EYS: variants seen among roughly 807,000 people sequenced by gnomAD.
EYS encodes protein eyes shut homolog.
In EYS, 250 loss-of-function variants were observed where a neutral mutation model predicts 282.1. The observed-to-expected ratio is 0.89, with a 90% CI of 0.80 to 0.98. EYS has a LOEUF of 0.98. Among genes scored for constraint, EYS ranks in the 50% least tolerant of loss-of-function variants. EYS has a pLI of 0.00. For missense variants in EYS, 4,016 were observed against 3,709.0 expected (o/e 1.08, Z -2.15); for synonymous variants, 1,355 against 1,282.9 (o/e 1.06, Z -1.20).
intron 29 of EYS, among the ~76,000 whole-genome samples, chr6:64,345,239 C>T (rs773485396): frequency 1.3e-5 from 2 of 152,094 alleles, no homozygotes; most frequent in South Asian, 4.1e-4. Flanking sequence ...GCCCACATTG[C>T]CAAGTCAATG....
chr6:64,457,651 T>C (rs539005713), intron 26 of EYS, among the ~76,000 whole-genome samples: 53 of 152,176 alleles, frequency 3.5e-4, no homozygotes, highest in African/African-American at 1.2e-3. Flanking sequence ...TAAAATCCAT[T>C]TTATCCGAAA....
intron 30 of EYS, among the ~76,000 whole-genome samples, chr6:64,286,437 A>T (rs1768503425): frequency 6.6e-6 from 1 of 152,208 alleles, no homozygotes; most frequent in Admixed American, 6.5e-5. Context: ...GAGTTAGTTA[A>T]ATATAAATAT....
rs114995544 is a variant in EYS, at chr6:63,992,123, C to T, written c.6834+6952G>A. Among the ~76,000 whole-genome samples the T allele has an allele frequency of 4.6e-3, 703 of 151,828 alleles. 7 individuals carry two copies. The highest frequency in any genetic ancestry group is 0.016 in the African/African-American group (673 of 41,488). ...TTTTTCCAGTTGAAATAGAAGAATA[C>T]TAGACAACAACACAAAAACTTCTGA... On this transcript the variant is annotated intron_variant, in intron 34 of 42. Coordinates refer to ENST00000503581, the MANE Select transcript of EYS (RefSeq NM_001142800.2).
intron 35 of EYS, among the ~76,000 whole-genome samples, chr6:63,931,530 C>T (rs1375749086): frequency 1.3e-5 from 2 of 152,198 alleles, no homozygotes; most frequent in Non-Finnish European, 2.9e-5. Context: ...CTGCCTTCCT[C>T]TTGTTTTGGC....
intron 29 of EYS, among the ~76,000 whole-genome samples, chr6:64,317,363 G>A: frequency 6.6e-6 from 1 of 150,470 alleles, no homozygotes; most frequent in Admixed American, 6.6e-5. Flanking sequence ...TCAAAAAGTA[G>A]GCACAGGATA....
chr6:64,678,562 A>G (rs1003526892), intron 22 of EYS, among the ~76,000 whole-genome samples: 1 of 152,204 alleles, frequency 6.6e-6, no homozygotes, highest in Admixed American at 6.5e-5. Flanking sequence ...TGGGCAACAG[A>G]GCGAGACTCC....
intron 22 of EYS, among the ~76,000 whole-genome samples, chr6:64,790,788 T>C (rs972338970): frequency 3.9e-5 from 6 of 151,908 alleles, no homozygotes; most frequent in African/African-American, 1.4e-4. Context: ...TTCTGGTATG[T>C]ATTTGAAAGG....
chr6:64,207,685 G>A (rs573897780), intron 31 of EYS, among the ~76,000 whole-genome samples: 3 of 142,486 alleles, frequency 2.1e-5, no homozygotes, highest in African/African-American at 7.7e-5. Context: ...TTTTTTTGAG[G>A]GAGTCTGTGT....
chr6:64,061,371 A>G (rs1423127268), intron 33 of EYS, among the ~76,000 whole-genome samples: 2 of 152,240 alleles, frequency 1.3e-5, no homozygotes, highest in East Asian at 3.8e-4. Flanking sequence ...GTGAAAACCA[A>G]TAGCTCTCTC....
At chr6:63,868,954 G>A (rs982535903) in intron 35 of EYS, among the ~76,000 whole-genome samples, 11 of 152,148 alleles carry the variant, frequency 7.2e-5, no homozygotes, top group East Asian at 1.9e-4. Flanking sequence ...ACACCACTAC[G>A]TGTGTCATTT....
chr6:65,047,095 CTCT>C (rs72398447), intron 13 of EYS, among the ~76,000 whole-genome samples: 9,680 of 151,132 alleles, frequency 0.064, 373 homozygotes, highest in East Asian at 0.14. Context: ...TCAATTAAAC[CTCT>C]TTTTTTTTTT....
rs1473925179 is a variant in EYS, at chr6:64,686,900, T to C, written c.3444-60655A>G. On this transcript the variant is annotated intron_variant, in intron 22 of 42. Coordinates refer to ENST00000503581, the MANE Select transcript of EYS (RefSeq NM_001142800.2). ...ATATATATACACACACATATATATGTGTATATATATACACACATATATATA... is the reference window on the plus strand; with the variant it reads ...ATATATATACACACACATATATATGCGTATATATATACACACATATATATA... 8.6e-5 allele frequency among the ~76,000 whole-genome samples: 12 copies of C among 139,554 alleles called. 4 individuals carry two copies. Among genetic ancestry groups the C allele is most frequent in the Non-Finnish European group, 1.5e-4 (10 of 65,348 alleles). The allele number at this position is 139,554 out of a possible 152,430, so 91.6% of individuals were successfully genotyped here.
At chr6:64,334,463 T>C (rs1049925007) in intron 29 of EYS, among the ~76,000 whole-genome samples, 2 of 152,178 alleles carry the variant, frequency 1.3e-5, no homozygotes, top group Admixed American at 1.3e-4. Flanking sequence ...GACATTGAAA[T>C]AGGGAGCTGG....
chr6:65,641,464 C>T (rs915636533), intron 1 of EYS, among the ~76,000 whole-genome samples: 9 of 152,198 alleles, frequency 5.9e-5, no homozygotes, highest in Non-Finnish European at 1.3e-4. Flanking sequence ...TTTGTCCACC[C>T]ATACTGGTTC....
intron 13 of EYS, among the ~76,000 whole-genome samples, chr6:65,034,366 C>T (rs1772701020): frequency 6.6e-6 from 1 of 152,026 alleles, no homozygotes; most frequent in South Asian, 2.1e-4. Context: ...TGCGAGGGGC[C>T]AGTGGTAGAA....
intron 12 of EYS, among the ~76,000 whole-genome samples, chr6:65,131,972 G>C (rs1199736010): frequency 6.6e-6 from 1 of 151,818 alleles, no homozygotes; most frequent in East Asian, 1.9e-4. Flanking sequence ...ACTTAGAAGA[G>C]AGGGATAAAT....
At chr6:64,270,175 G>A (rs1007751603) in intron 30 of EYS, among the ~76,000 whole-genome samples, 1 of 151,984 alleles carries the variant, frequency 6.6e-6, no homozygotes, top group Non-Finnish European at 1.5e-5. Context: ...ATGAATAATG[G>A]TGCTATTTAT....
intron 29 of EYS, among the ~76,000 whole-genome samples, chr6:64,330,380 C>T (rs775335687): frequency 1.3e-5 from 2 of 152,072 alleles, no homozygotes; most frequent in Non-Finnish European, 2.9e-5. Context: ...AAATTACACA[C>T]TCGGCAAAAC....
intron 41 of EYS, among the ~76,000 whole-genome samples, chr6:63,736,805 C>A (rs1361666992): frequency 2.6e-5 from 4 of 151,670 alleles, no homozygotes; most frequent in Non-Finnish European, 4.4e-5. Flanking sequence ...TCCTTCACGT[C>A]CCTTGTAAGT....
Sources: gnomAD v4.1 joint callset for allele counts (sites outside exome capture counted in the v4.1 genomes callset) on GRCh38, gnomAD v4.1.1 for gene constraint, MANE v1.5 for transcripts, NCBI Gene and HGNC (gene_info 2026-07-23, HGNC 2026-07-21) for gene names.